ATP5MC2: variants seen among roughly 807,000 people sequenced by gnomAD.
The protein encoded by ATP5MC2 is ATP synthase membrane subunit c locus 2.
Under a neutral mutation model 13.5 loss-of-function variants are expected in ATP5MC2, and 11 were observed. The ratio of observed to expected loss-of-function variants is 0.81; its 90% CI spans 0.51 to 1.35. The LOEUF is 1.35. ATP5MC2 is among the 40% of genes most tolerant of loss of function. ATP5MC2 has a pLI of 0.00. For synonymous variants in ATP5MC2, 64 were observed against 69.7 expected, an observed-to-expected ratio of 0.92 and a Z score of 0.41; for missense variants, 132 against 175.0, an observed-to-expected ratio of 0.75 and a Z score of 1.39.
Position 53,676,070 on chromosome 12 carries a change from A to G in ATP5MC2, c.-49T>C. On this transcript the variant is annotated 5_prime_UTR_variant, in exon 1 of 5. Coordinates refer to ENST00000394349, the MANE Select transcript of ATP5MC2 (RefSeq NM_005176.7). ...GGCCTTACCTGCTCCCACTGCAGAG[A>G]AGACAGAGAGGGGCGGAGCAGCGGG... The G allele has an allele frequency of 6.2e-7, 1 of 1,614,146 alleles. No homozygotes were observed. The highest frequency in any genetic ancestry group is 8.5e-7 in the Non-Finnish European group (1 of 1,180,032).
intron 2 of ATP5MC2, among the ~76,000 whole-genome samples, chr12:53,671,371 A>T (rs1160945093): frequency 1.3e-5 from 2 of 152,284 alleles, no homozygotes; most frequent in Non-Finnish European, 2.9e-5. Flanking sequence ...GTGAGTGCTA[A>T]GGCACATGGT....
At position 53,676,054 on chromosome 12, in the gene ATP5MC2, T is replaced by A. The variant is rs3191815; in HGVS notation, c.-33A>T. On this transcript the variant is annotated splice_region_variant and 5_prime_UTR_variant, in exon 1 of 5. Transcript: ENST00000394349. ...GGGCTCTAGGTCCCAAGGCCTTACC[T>A]GCTCCCACTGCAGAGAAGACAGAGA... 1 of 1,613,688 alleles carries A rather than the reference T, an allele frequency of 6.2e-7. No homozygotes were observed. Among genetic ancestry groups the A allele is most frequent in the Non-Finnish European group, 8.5e-7 (1 of 1,179,928 alleles).
chr12:53,667,996 AATT>A (rs1944983602), intron 4 of ATP5MC2, among the ~76,000 whole-genome samples: 2 of 46,692 alleles, frequency 4.3e-5, no homozygotes, highest in African/African-American at 1.3e-4. Flanking sequence ...TATATATATA[AATT>A]TTTTTTTTTT....
In ATP5MC2 at chr12:53,669,262, C is replaced by T; in HGVS notation, c.197G>A (p.Arg66Lys). The T allele has an allele frequency of 1.2e-6, 2 of 1,614,106 alleles. No homozygotes were observed. Among genetic ancestry groups the T allele is most frequent in the Non-Finnish European group, 1.7e-6 (2 of 1,180,006 alleles). ...SRSFQTSAISRDIDTAAKFIG... is the reference protein window; with the variant it reads ...SRSFQTSAISKDIDTAAKFIG... ...GAACTTGGCTGCTGTGTCGATGTCC[C>T]TTGAAATGGCGCTGGTTTGGAAGCT... is the stretch of plus-strand genomic sequence containing the variant. Residue 66 changes from arginine to lysine, a missense_variant, in exon 4 of 5, where the codon AGG becomes AAG. Arg to Lys is a conservative substitution (Grantham distance 26). Transcript: ENST00000394349.
At chr12:53,674,431 C>T (rs1945204789) in intron 1 of ATP5MC2, among the ~76,000 whole-genome samples, 1 of 152,224 alleles carries the variant, frequency 6.6e-6, no homozygotes, top group African/African-American at 2.4e-5. Context: ...ATACTTAACG[C>T]AAGAGCGTGA....
upstream of ATP5MC2, chr12:53,676,340 T>C (rs921418501): frequency 8.1e-7 from 1 of 1,235,158 alleles, no homozygotes; most frequent in Non-Finnish European, 1.1e-6. Flanking sequence ...CGGTTTGGTC[T>C]GTACCGCGTT....
At chr12:53,672,961 C>A in intron 1 of ATP5MC2, 1 of 250,084 alleles carries the variant, frequency 4.0e-6, no homozygotes, top group Non-Finnish European at 7.8e-6. Context: ...GTGTCTTTTG[C>A]CTAAGTTTTC....
chr12:53,675,927 A>C (rs534633635), intron 1 of ATP5MC2, 126 bp downstream of exon 1: 45 of 1,379,300 alleles, frequency 3.3e-5, no homozygotes, highest in Admixed American at 7.9e-5. Context: ...GGGATAGCGG[A>C]AGCAAGAAAG....
In ATP5MC2 at chr12:53,665,304, G is replaced by A. The variant is rs1403469641; in HGVS notation, c.*10C>T. The A allele has an allele frequency of 6.9e-6, 11 of 1,603,064 alleles. No homozygotes were observed. Among genetic ancestry groups the A allele is most frequent in the African/African-American group, 1.3e-5 (1 of 74,078 alleles). ...ACGCGGGAGAACTATGGGAGGTGGA[G>A]ACGGCTCCTTCACATGGCAAAGAGG... On this transcript the variant is annotated 3_prime_UTR_variant, in exon 5 of 5. Coordinates refer to ENST00000394349, the MANE Select transcript of ATP5MC2 (RefSeq NM_005176.7).
upstream of ATP5MC2, among the ~76,000 whole-genome samples, chr12:53,678,602 C>G (rs918662729): frequency 6.6e-6 from 1 of 152,166 alleles, no homozygotes; most frequent in Admixed American, 6.5e-5. Flanking sequence ...GGGACTATTA[C>G]TACGAGGCTT....
chr12:53,671,595 T>G (rs1945095114), intron 2 of ATP5MC2, among the ~76,000 whole-genome samples: 1 of 152,240 alleles, frequency 6.6e-6, no homozygotes, highest in African/African-American at 2.4e-5. Flanking sequence ...ACACAGTGCA[T>G]ACTCAGTCCA....
intron 3 of ATP5MC2, 143 bp downstream of exon 3, chr12:53,669,728 C>T (rs1208997505): frequency 4.3e-5 from 38 of 874,980 alleles, no homozygotes; most frequent in Non-Finnish European, 9.1e-6. Flanking sequence ...TGTCCTCCAT[C>T]TCCACCTAAA....
chr12:53,670,567 G>T (rs1945066597), intron 2 of ATP5MC2, among the ~76,000 whole-genome samples: 1 of 152,090 alleles, frequency 6.6e-6, no homozygotes, highest in Non-Finnish European at 1.5e-5. Flanking sequence ...ACCACACATT[G>T]CTAGCTTGGG....
chr12:53,676,154 G>A, upstream of ATP5MC2: 3 of 1,614,248 alleles, frequency 1.9e-6, no homozygotes, highest in Non-Finnish European at 2.5e-6. Context: ...GCTCAGCCAC[G>A]GATAGAGTGA....
chr12:53,676,053 C>G lies in ATP5MC2; in HGVS notation c.-32G>C. 1 of 1,613,720 alleles carries G rather than the reference C, an allele frequency of 6.2e-7. No individual in the cohort carries two copies. The highest frequency in any genetic ancestry group is 8.5e-7 in the Non-Finnish European group (1 of 1,179,884). On this transcript the variant is annotated splice_region_variant and 5_prime_UTR_variant, in exon 1 of 5. Coordinates refer to ENST00000394349, the MANE Select transcript of ATP5MC2 (RefSeq NM_005176.7). Reference sequence around the variant, plus strand: ...AGGGCTCTAGGTCCCAAGGCCTTACCTGCTCCCACTGCAGAGAAGACAGAG... The same window carrying G: ...AGGGCTCTAGGTCCCAAGGCCTTACGTGCTCCCACTGCAGAGAAGACAGAG...
intron 4 of ATP5MC2, among the ~76,000 whole-genome samples, chr12:53,666,996 A>T (rs557524995): frequency 1.3e-5 from 2 of 151,344 alleles, no homozygotes; most frequent in Non-Finnish European, 2.9e-5. Flanking sequence ...TTATGAGTTG[A>T]AGTAGTATGG....
chr12:53,677,050 G>GA (rs1045491641), upstream of ATP5MC2: 4 of 152,378 alleles, frequency 2.6e-5, no homozygotes, highest in African/African-American at 9.6e-5. Context: ...CGCAGCACGA[G>GA]AAAGACGGGA....
At chr12:53,667,956 C>CATACACATATATATATATATATAT (rs1944971986) in intron 4 of ATP5MC2, among the ~76,000 whole-genome samples, 6 of 67,372 alleles carry the variant, frequency 8.9e-5, no homozygotes, top group African/African-American at 2.8e-4. Flanking sequence ...CATACACACA[C>CATACACATATATATATATATATAT]ATATATATAT....
intron 1 of ATP5MC2, among the ~76,000 whole-genome samples, chr12:53,674,805 T>G (rs1236827796): frequency 6.6e-6 from 1 of 152,194 alleles, no homozygotes; most frequent in Non-Finnish European, 1.5e-5. Context: ...GAACTCTGAT[T>G]TTTGCCTATA....
Sources: allele counts gnomAD v4.1 joint callset (sites outside exome capture counted in the v4.1 genomes callset), GRCh38; gene constraint gnomAD v4.1.1; transcripts MANE v1.5; gene names NCBI Gene and HGNC (gene_info 2026-07-23, HGNC 2026-07-21).